The following MYO9B variants were observed in gnomAD, a reference collection of about 807,000 sequenced individuals.
MYO9B encodes myosin IXB, also known as unconventional myosin-IXb.
In MYO9B, 71 loss-of-function variants were observed where a neutral mutation model predicts 229.5. The ratio of observed to expected loss-of-function variants is 0.31; its 90% CI spans 0.26 to 0.38. The LOEUF is 0.38. Ranked by LOEUF, MYO9B falls within the 10% of genes least tolerant of loss-of-function variation. The probability of loss-of-function intolerance (pLI) is 1.00; values close to 1 mark genes in which losing one functional copy is unlikely to be tolerated. For synonymous variants in MYO9B, 1,185 were observed against 1,235.8 expected, an observed-to-expected ratio of 0.96 and a Z score of 0.86; for missense variants, 2,255 against 2,920.5, an observed-to-expected ratio of 0.77 and a Z score of 5.25.
chr19:17,081,350 T>G (rs2057532376), intron 1 of MYO9B, among the ~76,000 whole-genome samples: 1 of 152,116 alleles, frequency 6.6e-6, no homozygotes, highest in South Asian at 2.1e-4. Flanking sequence ...TTAGATAATA[T>G]AGGAACCTGG....
At position 17,172,718 on chromosome 19, in the gene MYO9B, T is replaced by C; in HGVS notation, c.1936-41T>C. On this transcript the variant is annotated intron_variant, in intron 12 of 39. Transcript: ENST00000682292. The surrounding 1 kb of genome is among the most constrained non-coding windows in gnomAD (Gnocchi z 8.2). ...GGGGTCTTTGGTAGGCGCCGGTGAG[T>C]GACTATCCCCGAGTGACCGCCCACA... 6.2e-7 allele frequency: 1 copy of C among 1,601,286 alleles called. No individual in the cohort carries two copies. The highest frequency in any genetic ancestry group is 2.2e-5 in the East Asian group (1 of 44,604).
intron 29 of MYO9B, 73 bp from the exon 30 acceptor site, chr19:17,203,074 G>A: frequency 1.4e-6 from 2 of 1,420,008 alleles, no homozygotes; most frequent in Non-Finnish European, 1.9e-6. Context: ...GATCCCATGG[G>A]TCGTCATCCA....
At chr19:17,179,420 A>ATTTTT (rs747998068) in intron 14 of MYO9B, among the ~76,000 whole-genome samples, 1 of 86,668 alleles carries the variant, frequency 1.2e-5, no homozygotes. Context: ...GCCCCAACTG[A>ATTTTT]TTTTTTTTTT....
intron 30 of MYO9B, among the ~76,000 whole-genome samples, chr19:17,204,273 G>T (rs973822102): frequency 6.6e-6 from 1 of 151,608 alleles, no homozygotes; most frequent in Non-Finnish European, 1.5e-5. Flanking sequence ...ATTCAGTGTG[G>T]TTGGAAGAAG....
intron 1 of MYO9B, among the ~76,000 whole-genome samples, chr19:17,077,412 T>C (rs940072636): frequency 1.3e-5 from 2 of 152,332 alleles, no homozygotes; most frequent in Admixed American, 1.3e-4. Flanking sequence ...TGGCCTGGCT[T>C]GCCCCAGGAC....
intron 1 of MYO9B, among the ~76,000 whole-genome samples, chr19:17,078,219 G>A (rs985541189): frequency 1.3e-5 from 2 of 152,122 alleles, no homozygotes; most frequent in Non-Finnish European, 2.9e-5. Context: ...GCTAATGCCC[G>A]CCCCCGACAA....
chr19:17,191,011 C>A, intron 19 of MYO9B, 86 bp from the exon 20 acceptor site: 1 of 1,406,978 alleles, frequency 7.1e-7, no homozygotes, highest in Non-Finnish European at 9.7e-7. Context: ...CCAGCTTCAC[C>A]TTAACCAGGG....
chr19:17,169,802 CTTTTTTTTTT>C (rs762583073), intron 11 of MYO9B, among the ~76,000 whole-genome samples: 13 of 106,588 alleles, frequency 1.2e-4, no homozygotes, highest in Non-Finnish European at 2.1e-4. Context: ...CTGTCTCCTC[CTTTTTTTTTT>C]TTTTTTTTTT....
chr19:17,192,215 A>G, intron 20 of MYO9B, among the ~76,000 whole-genome samples: 1 of 137,804 alleles, frequency 7.3e-6, no homozygotes, highest in Non-Finnish European at 1.6e-5. Context: ...ATCGCTTGAA[A>G]CCGGGAGGCG....
At position 17,094,001 on chromosome 19, in the gene MYO9B, C is replaced by CCACT. The variant is rs1258337310; in HGVS notation, c.-58-7658_-58-7655dup. Among the ~76,000 whole-genome samples, 3 of 150,324 alleles carry CCACT rather than the reference C, an allele frequency of 2.0e-5. No individual in the cohort carries two copies. In the Admixed American group the frequency reaches 2.0e-4, roughly 10 times the overall value. ...AAAGTGCTAGGATTGTAGGCATGAGCCACTGCAGCTGGCTTTGTTGTTGTT... is the reference window on the plus strand; with the variant it reads ...AAAGTGCTAGGATTGTAGGCATGAGCCACTCACTGCAGCTGGCTTTGTTGTTGTT... On this transcript the variant is annotated intron_variant, in intron 1 of 39. Transcript: ENST00000682292.
At chr19:17,083,405 T>C (rs1262674882) in intron 1 of MYO9B, among the ~76,000 whole-genome samples, 3 of 152,142 alleles carry the variant, frequency 2.0e-5, no homozygotes, top group African/African-American at 7.2e-5. Flanking sequence ...TTCTCTTGGG[T>C]AGCAGCTGCC....
intron 1 of MYO9B, among the ~76,000 whole-genome samples, chr19:17,081,270 A>C (rs1485624270): frequency 6.6e-6 from 1 of 152,140 alleles, no homozygotes; most frequent in Non-Finnish European, 1.5e-5. Flanking sequence ...TCAGGTGATC[A>C]GCCCGCTCGG....
intron 2 of MYO9B, among the ~76,000 whole-genome samples, chr19:17,124,210 G>A (rs10404011): frequency 0.066 from 10,065 of 152,112 alleles, 520 homozygotes; most frequent in African/African-American, 0.13. Context: ...TTCTATATCA[G>A]AGTCAGGTGT....
chr19:17,076,508 A>T (rs1168695870), intron 1 of MYO9B, among the ~76,000 whole-genome samples: 2 of 152,034 alleles, frequency 1.3e-5, no homozygotes, highest in African/African-American at 4.8e-5. Context: ...GGGCCCGGAG[A>T]GGAGGGAAGA....
chr19:17,102,785 T>C (rs990226292), intron 2 of MYO9B, among the ~76,000 whole-genome samples: 8 of 150,774 alleles, frequency 5.3e-5, no homozygotes, highest in Admixed American at 2.0e-4. Context: ...TGCTCACCTG[T>C]AGTCCCAGCT....
intron 2 of MYO9B, among the ~76,000 whole-genome samples, chr19:17,108,227 C>T (rs2057811500): frequency 1.3e-5 from 2 of 152,224 alleles, no homozygotes; most frequent in African/African-American, 4.8e-5. Context: ...CAGTTTTCTC[C>T]AGCGGTTCTA....
At position 17,209,712 on chromosome 19, in the gene MYO9B, G is replaced by C. The variant is rs954729327; in HGVS notation, c.5748+3G>C. ...TTTCGCTCCTGCGACAAAATGCTGTGAGTACCGGTGATCGTGGGGGCGGGA... is the reference window on the plus strand; with the variant it reads ...TTTCGCTCCTGCGACAAAATGCTGTCAGTACCGGTGATCGTGGGGGCGGGA... On this transcript the variant is annotated splice_donor_region_variant and intron_variant, in intron 36 of 39. Transcript: ENST00000682292. The C allele has an allele frequency of 6.2e-7, 1 of 1,613,630 alleles. No homozygotes were observed. Among genetic ancestry groups the C allele is most frequent in the Non-Finnish European group, 8.5e-7 (1 of 1,179,722 alleles).
chr19:17,077,581 T>A (rs2057498091), intron 1 of MYO9B, among the ~76,000 whole-genome samples: 1 of 152,182 alleles, frequency 6.6e-6, no homozygotes, highest in Non-Finnish European at 1.5e-5. Context: ...GGGGGAGCAC[T>A]GTGTTGGAGA....
chr19:17,174,607 A>T (rs1053532197), intron 13 of MYO9B, among the ~76,000 whole-genome samples: 6 of 152,070 alleles, frequency 3.9e-5, no homozygotes, highest in Non-Finnish European at 7.4e-5. Flanking sequence ...AGTGCACTTC[A>T]GCCTGGATGA....
Sources: gnomAD v4.1 joint callset for allele counts (sites outside exome capture counted in the v4.1 genomes callset) on GRCh38, gnomAD v4.1.1 for gene constraint, Gnocchi (gnomAD v3.1) non-coding constraint, MANE v1.5 for transcripts, NCBI Gene and HGNC (gene_info 2026-07-23, HGNC 2026-07-21) for gene names.